SLC25A13: variants seen among roughly 807,000 people sequenced by gnomAD.
SLC25A13 encodes solute carrier family 25 member 13, also known as electrogenic aspartate/glutamate antiporter SLC25A13, mitochondrial.
SLC25A13 carries 70 observed loss-of-function variants against 85.5 expected under a neutral mutation model. The observed-to-expected ratio is 0.82, with a 90% confidence interval of 0.68 to 1.00. The LOEUF (loss-of-function observed/expected upper bound fraction) is 1.00. Among genes scored for constraint, SLC25A13 ranks in the 50% least tolerant of loss-of-function variants. SLC25A13 has a pLI of 0.00. For missense variants in SLC25A13, 765 were observed against 819.8 expected (o/e 0.93, Z 0.82); for synonymous variants, 259 against 288.7 (o/e 0.90, Z 1.04).
intron 4 of SLC25A13, among the ~76,000 whole-genome samples, chr7:96,215,893 G>A (rs772126256): frequency 6.6e-6 from 1 of 152,068 alleles, no homozygotes; most frequent in African/African-American, 2.4e-5. Context: ...GGTGGCTCAC[G>A]CCTGTAATCC....
chr7:96,156,568 C>T (rs542160473), intron 13 of SLC25A13, among the ~76,000 whole-genome samples: 1 of 152,338 alleles, frequency 6.6e-6, no homozygotes, highest in South Asian at 2.1e-4. Flanking sequence ...TCTCCTGCCT[C>T]AGCCTCCCAA....
chr7:96,318,778 A>C, intron 1 of SLC25A13, among the ~76,000 whole-genome samples: 1 of 152,210 alleles, frequency 6.6e-6, no homozygotes, highest in East Asian at 1.9e-4. Context: ...GAAAATACCA[A>C]ATCTGCTTAA....
chr7:96,123,596 C>T (rs7800612), intron 15 of SLC25A13, among the ~76,000 whole-genome samples: 55 of 152,050 alleles, frequency 3.6e-4, no homozygotes, highest in Non-Finnish European at 5.4e-4. Context: ...GGAGTTGTGG[C>T]GAATGCTAGA....
At chr7:96,131,601 C>T in intron 15 of SLC25A13, 142 bp downstream of exon 15, 2 of 1,015,708 alleles carry the variant, frequency 2.0e-6, no homozygotes, top group African/African-American at 3.3e-5. Flanking sequence ...CCTTTTTTTT[C>T]AGTAGCTCTT....
intron 4 of SLC25A13, among the ~76,000 whole-genome samples, chr7:96,229,575 G>T (rs1300967895): frequency 6.6e-6 from 1 of 152,096 alleles, no homozygotes; most frequent in Non-Finnish European, 1.5e-5. Context: ...CTTTGGGTCC[G>T]CATTGCCTTT....
At chr7:96,261,064 C>T (rs1288270513) in intron 3 of SLC25A13, among the ~76,000 whole-genome samples, 1 of 152,160 alleles carries the variant, frequency 6.6e-6, no homozygotes, top group Non-Finnish European at 1.5e-5. Flanking sequence ...AGCACCCTCC[C>T]CTCTCAGGCT....
At chr7:96,229,502 C>G (rs781727363) in intron 4 of SLC25A13, among the ~76,000 whole-genome samples, 5 of 152,098 alleles carry the variant, frequency 3.3e-5, no homozygotes, top group Non-Finnish European at 7.4e-5. Context: ...GCTCTGGTCC[C>G]CTTCCACGCT....
intron 1 of SLC25A13, among the ~76,000 whole-genome samples, chr7:96,305,117 A>G (rs533769513): frequency 1.6e-4 from 24 of 152,318 alleles, no homozygotes; most frequent in African/African-American, 5.5e-4. Context: ...TTTAAGGGGA[A>G]GAGTGAGTAA....
At chr7:96,321,846 C>A (rs1800359175) in intron 1 of SLC25A13, 96 bp downstream of exon 1, 3 of 1,415,974 alleles carry the variant, frequency 2.1e-6, no homozygotes, top group African/African-American at 3.0e-5. Flanking sequence ...TTTGCTCCGC[C>A]TGTGGCACCA....
intron 11 of SLC25A13, 96 bp downstream of exon 11, chr7:96,184,181 T>C: frequency 6.9e-7 from 1 of 1,447,790 alleles, no homozygotes; most frequent in Non-Finnish European, 9.7e-7. Context: ...ATTTCCATTT[T>C]AACGCAGTCT....
At chr7:96,184,609 A>G (rs1000517104) in intron 10 of SLC25A13, 174 bp from the exon 11 acceptor site, 6 of 680,628 alleles carry the variant, frequency 8.8e-6, no homozygotes, top group South Asian at 5.7e-5. Context: ...GAGGGTTTTC[A>G]TTCAAGTATC....
chr7:96,131,606 G>T, intron 15 of SLC25A13, 137 bp downstream of exon 15: 2 of 1,061,806 alleles, frequency 1.9e-6, no homozygotes, highest in Non-Finnish European at 2.8e-6. Context: ...TTTTTCAGTA[G>T]CTCTTCAATC....
intron 11 of SLC25A13, among the ~76,000 whole-genome samples, chr7:96,174,716 A>G (rs1429467862): frequency 6.6e-6 from 1 of 152,236 alleles, no homozygotes. Context: ...TAAATGACTA[A>G]TAAAAAAACA....
At chr7:96,131,330 C>G (rs1366716166) in intron 15 of SLC25A13, among the ~76,000 whole-genome samples, 1 of 152,198 alleles carries the variant, frequency 6.6e-6, no homozygotes, top group African/African-American at 2.4e-5. Context: ...TTTCTTTTCT[C>G]TAACTATTGT....
chr7:96,121,158 C>CA lies in SLC25A13; in HGVS notation c.*32dup. ...GGGATGTTCTTTACTGCAGTACCCACAAAAAGACAGCACTATCCCAGGGCT... is the reference window on the plus strand; with the variant it reads ...GGGATGTTCTTTACTGCAGTACCCACAAAAAAGACAGCACTATCCCAGGGCT... On this transcript the variant is annotated 3_prime_UTR_variant, in exon 18 of 18. Coordinates refer to ENST00000265631, the MANE Select transcript of SLC25A13 (RefSeq NM_014251.3). The CA allele has an allele frequency of 6.2e-7, 1 of 1,611,230 alleles. No individual in the cohort carries two copies. The highest frequency in any genetic ancestry group is 8.5e-7 in the Non-Finnish European group (1 of 1,177,368).
chr7:96,302,961 G>C (rs1300133022), intron 1 of SLC25A13, among the ~76,000 whole-genome samples: 1 of 152,206 alleles, frequency 6.6e-6, no homozygotes. Flanking sequence ...CGGATTATAA[G>C]ATGTAGGTTC....
chr7:96,128,752 TATAATAATAATAATAATAATAATA>T (rs367558778), intron 15 of SLC25A13, among the ~76,000 whole-genome samples: 3 of 139,966 alleles, frequency 2.1e-5, no homozygotes, highest in South Asian at 4.6e-4. Flanking sequence ...GAACTTAAAG[TATAATAATAATAATAATAATAATA>T]ATAATAATAA....
intron 5 of SLC25A13, among the ~76,000 whole-genome samples, chr7:96,207,599 T>C (rs1415267865): frequency 1.3e-5 from 2 of 152,192 alleles, no homozygotes; most frequent in Non-Finnish European, 2.9e-5. Context: ...ATAAATAAAA[T>C]GTAACTGTTA....
chr7:96,204,233 T>C (rs2116699532), intron 5 of SLC25A13, among the ~76,000 whole-genome samples: 1 of 152,354 alleles, frequency 6.6e-6, no homozygotes, highest in South Asian at 2.1e-4. Flanking sequence ...TAAAAGCACT[T>C]TGTAAATTAT....
Sources: allele counts gnomAD v4.1 joint callset (sites outside exome capture counted in the v4.1 genomes callset), GRCh38; gene constraint gnomAD v4.1.1; transcripts MANE v1.5; gene names NCBI Gene and HGNC (gene_info 2026-07-23, HGNC 2026-07-21).